The following NRXN1 variants were observed in gnomAD, a reference collection of about 807,000 sequenced individuals.
NRXN1 encodes neurexin-1.
NRXN1 carries 39 observed loss-of-function variants against 150.9 expected under a neutral mutation model. That is an observed-to-expected ratio of 0.26 (90% CI 0.20 to 0.34). NRXN1 has a LOEUF of 0.34. NRXN1 is among the 10% of genes least tolerant of loss of function. The probability of loss-of-function intolerance (pLI) is 1.00; values close to 1 mark genes in which losing one functional copy is unlikely to be tolerated. For missense variants in NRXN1, 1,815 were observed against 1,949.9 expected, an observed-to-expected ratio of 0.93 and a Z score of 1.30; for synonymous variants, 924 against 757.0, an observed-to-expected ratio of 1.22 and a Z score of -3.62.
intron 2 of NRXN1, among the ~76,000 whole-genome samples, chr2:50,948,745 C>T (rs1489324817): frequency 6.6e-6 from 1 of 151,886 alleles, no homozygotes; most frequent in Non-Finnish European, 1.5e-5. Flanking sequence ...ACTAATTGAG[C>T]CCAGTTACTT....
At chr2:50,236,684 A>T in intron 18 of NRXN1, 105 bp downstream of exon 18, 1 of 950,214 alleles carries the variant, frequency 1.1e-6, no homozygotes, top group South Asian at 1.4e-5. Flanking sequence ...ATAACAAAGT[A>T]CTGGTTTCTG....
intron 17 of NRXN1, among the ~76,000 whole-genome samples, chr2:50,464,862 TAA>T (rs2088647329): frequency 1.3e-5 from 2 of 151,950 alleles, no homozygotes; most frequent in African/African-American, 4.8e-5. Context: ...TGCCATGATA[TAA>T]TGTGAATCAT....
intron 5 of NRXN1, among the ~76,000 whole-genome samples, chr2:50,812,395 G>C (rs1668340355): frequency 6.6e-6 from 1 of 152,116 alleles, no homozygotes; most frequent in South Asian, 2.1e-4. Flanking sequence ...TGAAGCCATA[G>C]CATCAGAGTG....
intron 18 of NRXN1, among the ~76,000 whole-genome samples, chr2:50,154,376 CA>C (rs529421915): frequency 6.7e-6 from 1 of 150,032 alleles, no homozygotes; most frequent in Non-Finnish European, 1.5e-5. Flanking sequence ...TAAAATTAAA[CA>C]AAAAAAACAG....
At chr2:50,487,511 C>A (rs1222836233) in intron 15 of NRXN1, among the ~76,000 whole-genome samples, 3 of 152,196 alleles carry the variant, frequency 2.0e-5, no homozygotes, top group Admixed American at 6.5e-5. Flanking sequence ...AGTGCTATGT[C>A]ATTAAAAATG....
intron 5 of NRXN1, among the ~76,000 whole-genome samples, chr2:50,872,878 C>T (rs764887981): frequency 3.3e-5 from 5 of 151,650 alleles, no homozygotes; most frequent in South Asian, 2.1e-4. Context: ...AGAATTTACA[C>T]GGTCAACAAT....
chr2:50,356,715 TGGAATTAATCTACTAATGTCTTCCTA>T (rs2078845049), intron 17 of NRXN1, among the ~76,000 whole-genome samples: 1 of 152,156 alleles, frequency 6.6e-6, no homozygotes, highest in Non-Finnish European at 1.5e-5. Flanking sequence ...ACACAGCAAG[TGGAATTAATCTACTAATGTCTTCCTA>T]ATGAAGCTTT....
At chr2:49,985,301 T>A (rs1308754631) in intron 21 of NRXN1, among the ~76,000 whole-genome samples, 1 of 152,178 alleles carries the variant, frequency 6.6e-6, no homozygotes, top group Non-Finnish European at 1.5e-5. Context: ...GATTCTACGA[T>A]TCAATAAATT....
At chr2:50,739,980 C>G (rs1699238563) in intron 5 of NRXN1, among the ~76,000 whole-genome samples, 1 of 152,154 alleles carries the variant, frequency 6.6e-6, no homozygotes, top group Non-Finnish European at 1.5e-5. Context: ...TCAGTTGATG[C>G]TGATTTCTCT....
At chr2:50,601,080 A>C (rs1676194013) in intron 8 of NRXN1, among the ~76,000 whole-genome samples, 1 of 152,064 alleles carries the variant, frequency 6.6e-6, no homozygotes, top group Non-Finnish European at 1.5e-5. Context: ...GCAAAAAAAA[A>C]ATAATAATAA....
chr2:50,706,626 T>C (rs1052818421), intron 5 of NRXN1, among the ~76,000 whole-genome samples: 2 of 152,118 alleles, frequency 1.3e-5, no homozygotes, highest in African/African-American at 2.4e-5. Context: ...GAAAACACTA[T>C]TAAATATTTC....
intron 17 of NRXN1, among the ~76,000 whole-genome samples, chr2:50,392,407 G>A (rs75756948): frequency 0.015 from 2,232 of 152,202 alleles, 54 homozygotes; most frequent in African/African-American, 0.049. Flanking sequence ...AGCCCTGACT[G>A]TAAAACATTG....
chr2:49,982,693 A>G (rs1487236549), intron 21 of NRXN1, among the ~76,000 whole-genome samples: 2 of 152,180 alleles, frequency 1.3e-5, no homozygotes, highest in African/African-American at 4.8e-5. Context: ...TTCTAGTAGC[A>G]AAAGAATAAA....
At chr2:50,123,767 A>G (rs902787523) in intron 18 of NRXN1, among the ~76,000 whole-genome samples, 9 of 152,188 alleles carry the variant, frequency 5.9e-5, no homozygotes, top group African/African-American at 2.2e-4. Context: ...AAGGAACTGC[A>G]CCTTGAACTC....
At chr2:50,936,687 C>T (rs1014145707) in intron 2 of NRXN1, among the ~76,000 whole-genome samples, 4 of 152,020 alleles carry the variant, frequency 2.6e-5, no homozygotes, top group Admixed American at 2.6e-4. Flanking sequence ...TTCTGAAATA[C>T]TGAATAGAAA....
At chr2:50,600,010 A>T (rs138118165) in intron 8 of NRXN1, among the ~76,000 whole-genome samples, 1,716 of 152,220 alleles carry the variant, frequency 0.011, 33 homozygotes, top group African/African-American at 0.039. Flanking sequence ...TTATATATTA[A>T]ACTACCCAGA....
chr2:50,926,020 A>T, intron 2 of NRXN1, 65 bp from the exon 3 acceptor site: 1 of 1,360,748 alleles, frequency 7.3e-7, no homozygotes, highest in Non-Finnish European at 1.0e-6. Context: ...TGCAGACTGG[A>T]CCTTGCCTTT....
chr2:50,910,443 T>C (rs1558405276), intron 5 of NRXN1, among the ~76,000 whole-genome samples: 1 of 151,974 alleles, frequency 6.6e-6, no homozygotes, highest in African/African-American at 2.4e-5. Flanking sequence ...AGAGGCCAGA[T>C]AACTTTCCCA....
At chr2:50,014,580 A>G (rs892075504) in intron 21 of NRXN1, among the ~76,000 whole-genome samples, 1 of 152,176 alleles carries the variant, frequency 6.6e-6, no homozygotes, top group African/African-American at 2.4e-5. Flanking sequence ...CTCGAGGGCA[A>G]AATCTCCCTA....
Sources: gnomAD v4.1 joint callset for allele counts (sites outside exome capture counted in the v4.1 genomes callset) on GRCh38, gnomAD v4.1.1 for gene constraint, MANE v1.5 for transcripts, NCBI Gene and HGNC (gene_info 2026-07-23, HGNC 2026-07-21) for gene names.